USP46: variants seen among roughly 807,000 people sequenced by gnomAD.
USP46 encodes ubiquitin carboxyl-terminal hydrolase 46.
Under a neutral mutation model 44.4 loss-of-function variants are expected in USP46, and 12 were observed. That is an observed-to-expected ratio of 0.27 (90% CI 0.17 to 0.44). The LOEUF (loss-of-function observed/expected upper bound fraction) is 0.44, where lower values mean the gene tolerates loss of function less well. Ranked by LOEUF, USP46 falls within the 20% of genes least tolerant of loss-of-function variation. The probability of loss-of-function intolerance (pLI) is 1.00; values close to 1 mark genes in which losing one functional copy is unlikely to be tolerated. For missense variants in USP46, 248 were observed against 444.8 expected, an observed-to-expected ratio of 0.56 and a Z score of 3.98; for synonymous variants, 155 against 161.5, an observed-to-expected ratio of 0.96 and a Z score of 0.31.
intron 4 of USP46, among the ~76,000 whole-genome samples, chr4:52,613,518 T>C (rs1462509619): frequency 6.6e-6 from 1 of 151,972 alleles, no homozygotes; most frequent in Non-Finnish European, 1.5e-5. Flanking sequence ...GGTCAGGAGT[T>C]GGAGGCCAGC....
chr4:52,635,754 A>G (rs949236519), intron 1 of USP46, among the ~76,000 whole-genome samples: 4 of 152,172 alleles, frequency 2.6e-5, no homozygotes, highest in Non-Finnish European at 4.4e-5. Context: ...CATCACCTCC[A>G]GTTACCCTCC....
intron 4 of USP46, among the ~76,000 whole-genome samples, chr4:52,621,996 G>C (rs534842590): frequency 2.0e-5 from 3 of 152,256 alleles, no homozygotes; most frequent in South Asian, 2.1e-4. Context: ...AATGATAATA[G>C]CAAGTTTAGA....
intron 4 of USP46, among the ~76,000 whole-genome samples, chr4:52,622,773 T>G (rs1717429452): frequency 6.6e-6 from 1 of 152,170 alleles, no homozygotes; most frequent in South Asian, 2.1e-4. Flanking sequence ...AGTTGAAACC[T>G]GAAGAGGATT....
At chr4:52,602,702 G>A (rs1256432547) in intron 6 of USP46, among the ~76,000 whole-genome samples, 1 of 152,208 alleles carries the variant, frequency 6.6e-6, no homozygotes, top group Admixed American at 6.5e-5. Flanking sequence ...AACAGATGTG[G>A]TGTTTCTGTG....
chr4:52,657,247 G>A (rs1185906424), intron 1 of USP46, among the ~76,000 whole-genome samples: 1 of 152,004 alleles, frequency 6.6e-6, no homozygotes, highest in Non-Finnish European at 1.5e-5. Flanking sequence ...AACTCTCAGG[G>A]CAGTATTGGC....
At chr4:52,628,894 A>G (rs569946577) in intron 2 of USP46, among the ~76,000 whole-genome samples, 1 of 152,350 alleles carries the variant, frequency 6.6e-6, no homozygotes, top group South Asian at 2.1e-4. Context: ...CCACCCAGTA[A>G]CATTTTATAC....
intron 4 of USP46, among the ~76,000 whole-genome samples, chr4:52,614,547 C>T (rs1408461147): frequency 6.6e-6 from 1 of 152,098 alleles, no homozygotes; most frequent in Non-Finnish European, 1.5e-5. Context: ...GCCTGGAATT[C>T]CTATATGCCA....
chr4:52,649,607 C>T (rs1718679762), intron 1 of USP46, among the ~76,000 whole-genome samples: 1 of 152,252 alleles, frequency 6.6e-6, no homozygotes, highest in Non-Finnish European at 1.5e-5. Context: ...TCCAAATTGA[C>T]ATTTCAACTA....
At chr4:52,634,101 C>T (rs1447887914) in intron 1 of USP46, among the ~76,000 whole-genome samples, 2 of 151,930 alleles carry the variant, frequency 1.3e-5, no homozygotes, top group African/African-American at 4.8e-5. Context: ...CTTGTAAAAA[C>T]ATTTTCGTGT....
chr4:52,597,536 G>T lies in USP46; in HGVS notation c.*104C>A. On this transcript the variant is annotated 3_prime_UTR_variant, in exon 9 of 9. Transcript: ENST00000441222. ...CAGCCAGACCATTGAGACTCGGAGT[G>T]ATACCATTAGTGGGCCACTGGGGAA... 1.3e-6 allele frequency: 1 copy of T among 744,762 alleles called. No individual in the cohort carries two copies. The highest frequency in any genetic ancestry group is 2.3e-6 in the Non-Finnish European group (1 of 433,640). The allele number at this position is 744,762 out of a possible 1,614,324, so 46.1% of individuals were successfully genotyped here.
chr4:52,613,055 A>G (rs1312187861), intron 4 of USP46, among the ~76,000 whole-genome samples: 4 of 152,218 alleles, frequency 2.6e-5, no homozygotes, highest in Admixed American at 1.3e-4. Flanking sequence ...GGCACTGGAG[A>G]GTGAACACAA....
At chr4:52,640,337 C>G (rs1718285256) in intron 1 of USP46, among the ~76,000 whole-genome samples, 1 of 152,048 alleles carries the variant, frequency 6.6e-6, no homozygotes, top group Admixed American at 6.6e-5. Context: ...TGAACAAGAC[C>G]AGGCCACTGT....
chr4:52,629,083 AAC>A (rs1283234647), intron 2 of USP46, among the ~76,000 whole-genome samples: 2 of 152,244 alleles, frequency 1.3e-5, no homozygotes, highest in African/African-American at 4.8e-5. Context: ...CAAGATTAAT[AAC>A]ACAGATTATG....
intron 1 of USP46, among the ~76,000 whole-genome samples, chr4:52,644,233 G>T (rs1718453568): frequency 1.3e-5 from 2 of 152,316 alleles, no homozygotes; most frequent in African/African-American, 4.8e-5. Flanking sequence ...GCATGAGGCA[G>T]AGGTAAGTGG....
intron 1 of USP46, among the ~76,000 whole-genome samples, chr4:52,654,217 T>A (rs1718873565): frequency 6.6e-6 from 1 of 152,228 alleles, no homozygotes; most frequent in Non-Finnish European, 1.5e-5. Context: ...TATTTTCTAA[T>A]CCCAGCAACT....
At chr4:52,656,992 A>G (rs1436626814) in intron 1 of USP46, among the ~76,000 whole-genome samples, 1 of 138,518 alleles carries the variant, frequency 7.2e-6, no homozygotes, top group Non-Finnish European at 1.5e-5. Flanking sequence ...GTGAGCCACC[A>G]TGTTCATGCC....
At chr4:52,613,737 A>G (rs1200903593) in intron 4 of USP46, among the ~76,000 whole-genome samples, 1 of 150,944 alleles carries the variant, frequency 6.6e-6, no homozygotes, top group Admixed American at 6.6e-5. Context: ...AAAAAAAAAA[A>G]GAAAAGAAAA....
chr4:52,621,803 G>A (rs1047276665), intron 4 of USP46, among the ~76,000 whole-genome samples: 2 of 152,164 alleles, frequency 1.3e-5, no homozygotes, highest in Non-Finnish European at 2.9e-5. Context: ...AGAGAATTTT[G>A]CCCATGGGGA....
At chr4:52,650,186 T>C (rs983480277) in intron 1 of USP46, among the ~76,000 whole-genome samples, 5 of 152,206 alleles carry the variant, frequency 3.3e-5, no homozygotes. Flanking sequence ...GAGAGAATAT[T>C]GTAGAAACTA....
Sources: allele counts gnomAD v4.1 joint callset (sites outside exome capture counted in the v4.1 genomes callset), GRCh38; gene constraint gnomAD v4.1.1; transcripts MANE v1.5; gene names NCBI Gene and HGNC (gene_info 2026-07-23, HGNC 2026-07-21).